The following NLGN1 variants were observed in gnomAD, a reference collection of about 807,000 sequenced individuals.
The protein encoded by NLGN1 is neuroligin 1.
A neutral mutation model predicts 65.5 loss-of-function variants in NLGN1; 12 were observed. The observed-to-expected ratio is 0.18, with a 90% CI of 0.12 to 0.30. The LOEUF (loss-of-function observed/expected upper bound fraction) is 0.30. Ranked by LOEUF, NLGN1 falls within the 10% of genes least tolerant of loss-of-function variation. The probability of loss-of-function intolerance (pLI) is 1.00; values close to 1 mark genes in which losing one functional copy is unlikely to be tolerated. For synonymous variants in NLGN1, 350 were observed against 359.5 expected, an observed-to-expected ratio of 0.97 and a Z score of 0.30; for missense variants, 750 against 1,007.1, an observed-to-expected ratio of 0.74 and a Z score of 3.46.
At chr3:173,666,288 A>C (rs1235375216) in intron 3 of NLGN1, among the ~76,000 whole-genome samples, 1 of 152,152 alleles carries the variant, frequency 6.6e-6, no homozygotes. Flanking sequence ...TATAAGCCTA[A>C]GTATCCTCCT....
At chr3:173,540,853 T>C (rs1179478450) in intron 2 of NLGN1, among the ~76,000 whole-genome samples, 1 of 152,226 alleles carries the variant, frequency 6.6e-6, no homozygotes, top group African/African-American at 2.4e-5. Context: ...AATCAACTTA[T>C]ATATTATGTA....
At chr3:173,643,428 G>A (rs532502773) in intron 3 of NLGN1, among the ~76,000 whole-genome samples, 1 of 152,280 alleles carries the variant, frequency 6.6e-6, no homozygotes, top group African/African-American at 2.4e-5. Context: ...AAAATCATCT[G>A]AGAAGGAAAA....
intron 4 of NLGN1, among the ~76,000 whole-genome samples, chr3:174,185,509 T>G (rs368084523): frequency 1.3e-5 from 2 of 152,130 alleles, no homozygotes; most frequent in African/African-American, 4.8e-5. Flanking sequence ...ACTGGACATA[T>G]GGTTTTATAC....
chr3:173,413,873 C>T (rs115848177), intron 1 of NLGN1, among the ~76,000 whole-genome samples: 2,673 of 152,156 alleles, frequency 0.018, 76 homozygotes, highest in African/African-American at 0.061. Flanking sequence ...GGAAAAAGAA[C>T]AAGAAAGGAA....
chr3:173,790,866 A>G (rs114147281), intron 3 of NLGN1, among the ~76,000 whole-genome samples: 1,566 of 152,248 alleles, frequency 0.01, 26 homozygotes, highest in African/African-American at 0.035. Context: ...ATGCTGTGAG[A>G]TTAGAAAACA....
intron 4 of NLGN1, among the ~76,000 whole-genome samples, chr3:174,242,246 C>T (rs1452130927): frequency 1.3e-5 from 2 of 151,814 alleles, no homozygotes; most frequent in Non-Finnish European, 2.9e-5. Context: ...GGGTCCCCAT[C>T]CCCCAGGCCA....
intron 4 of NLGN1, among the ~76,000 whole-genome samples, chr3:173,813,945 A>G (rs887013879): frequency 1.3e-5 from 2 of 152,230 alleles, no homozygotes; most frequent in Non-Finnish European, 2.9e-5. Context: ...AGATGCAAAA[A>G]TATTCTCAGT....
rs1384383521 is a variant in NLGN1 at position 174,276,341 on chromosome 3, T to TATTA, written c.859+818_859+821dup. On this transcript the variant is annotated intron_variant, in intron 5 of 6. Transcript: ENST00000457714. ...ATAGAATCACCCATTCCAACTGCAT[T>TATTA]ATTAATTTGAAATTTCACAAGAACA... 2.6e-4 allele frequency among the ~76,000 whole-genome samples: 40 copies of TATTA among 152,080 alleles called. 1 individual carries two copies. The highest frequency in any genetic ancestry group is 8.2e-4 in the African/African-American group (34 of 41,536).
chr3:173,455,931 G>A (rs1722449092), intron 2 of NLGN1, among the ~76,000 whole-genome samples: 1 of 152,026 alleles, frequency 6.6e-6, no homozygotes, highest in Non-Finnish European at 1.5e-5. Flanking sequence ...CAGGTGGGAG[G>A]GTGGAAAGAA....
chr3:174,150,746 A>G (rs993346203), intron 4 of NLGN1, among the ~76,000 whole-genome samples: 3 of 152,162 alleles, frequency 2.0e-5, no homozygotes, highest in African/African-American at 7.2e-5. Flanking sequence ...CACTACTTCT[A>G]TTTGGAGCAG....
intron 2 of NLGN1, among the ~76,000 whole-genome samples, chr3:173,525,023 G>GT (rs1466894383): frequency 6.6e-6 from 1 of 152,132 alleles, no homozygotes; most frequent in African/African-American, 2.4e-5. Flanking sequence ...TTGTCCTACA[G>GT]TTTTTTGTTG....
In NLGN1 at chr3:173,679,820, G is replaced by A. The variant is rs551136886; in HGVS notation, c.493+74729G>A. On this transcript the variant is annotated intron_variant, in intron 3 of 6. Coordinates refer to ENST00000457714, the Ensembl canonical transcript of NLGN1. ...AATTGTTAACCATGATAAACCTACT[G>A]TATGTGCTTATGACTAGACAATGGC... 2.0e-5 allele frequency among the ~76,000 whole-genome samples: 3 copies of A among 152,226 alleles called. No individual in the cohort carries two copies. The South Asian group carries it at 6.2e-4, about 32-fold the overall frequency.
intron 2 of NLGN1, among the ~76,000 whole-genome samples, chr3:173,572,118 G>A (rs961266466): frequency 6.6e-6 from 1 of 152,198 alleles, no homozygotes; most frequent in Non-Finnish European, 1.5e-5. Flanking sequence ...GGAGGACTTT[G>A]TTACCATTCT....
intron 4 of NLGN1, among the ~76,000 whole-genome samples, chr3:174,181,976 CAAAA>C (rs551914698): frequency 2.3e-5 from 1 of 44,394 alleles, no homozygotes; most frequent in African/African-American, 7.2e-5. Flanking sequence ...GACTTGGTGT[CAAAA>C]AAAAAAAAAA....
At chr3:173,439,896 A>G (rs529473849) in intron 2 of NLGN1, among the ~76,000 whole-genome samples, 2 of 152,256 alleles carry the variant, frequency 1.3e-5, no homozygotes, top group African/African-American at 4.8e-5. Context: ...AACTTTTTCA[A>G]ATAAGACAGC....
At chr3:173,516,164 G>C (rs1016511947) in intron 2 of NLGN1, among the ~76,000 whole-genome samples, 5 of 152,114 alleles carry the variant, frequency 3.3e-5, no homozygotes, top group Admixed American at 1.3e-4. Flanking sequence ...AATCATCCCT[G>C]ATGATAGTGA....
At chr3:174,089,113 A>G (rs1744017845) in intron 4 of NLGN1, among the ~76,000 whole-genome samples, 1 of 152,226 alleles carries the variant, frequency 6.6e-6, no homozygotes, top group African/African-American at 2.4e-5. Flanking sequence ...GCTATTACTG[A>G]CACAGTCAAT....
intron 3 of NLGN1, among the ~76,000 whole-genome samples, chr3:173,730,375 A>C (rs1772610032): frequency 6.8e-6 from 1 of 145,998 alleles, no homozygotes; most frequent in African/African-American, 2.6e-5. Flanking sequence ...CCACATATGT[A>C]ATTTTAAAAT....
intron 2 of NLGN1, among the ~76,000 whole-genome samples, chr3:173,535,909 C>A (rs1000012532): frequency 1.3e-5 from 2 of 152,196 alleles, no homozygotes; most frequent in Non-Finnish European, 2.9e-5. Flanking sequence ...CATTCACTGT[C>A]ATCAAGTCAG....
Sources: gnomAD v4.1 joint callset for allele counts (sites outside exome capture counted in the v4.1 genomes callset) on GRCh38, gnomAD v4.1.1 for gene constraint, MANE v1.5 for transcripts, NCBI Gene and HGNC (gene_info 2026-07-23, HGNC 2026-07-21) for gene names.